XYLT1: variants seen among roughly 807,000 people sequenced by gnomAD.
XYLT1 encodes the protein beta-D-xylosyltransferase 1.
Under a neutral mutation model 91.3 loss-of-function variants are expected in XYLT1, and 36 were observed. The ratio of observed to expected loss-of-function variants is 0.39; its 90% CI spans 0.30 to 0.52. The LOEUF (loss-of-function observed/expected upper bound fraction) is 0.52, where lower values mean the gene tolerates loss of function less well. Ranked by LOEUF, XYLT1 falls within the 20% of genes least tolerant of loss-of-function variation. The probability of loss-of-function intolerance (pLI) is 0.68; values close to 1 mark genes in which losing one functional copy is unlikely to be tolerated. For missense variants in XYLT1, 1,242 were observed against 1,284.5 expected, an observed-to-expected ratio of 0.97 and a Z score of 0.51; for synonymous variants, 588 against 532.0, an observed-to-expected ratio of 1.11 and a Z score of -1.45.
intron 3 of XYLT1, among the ~76,000 whole-genome samples, chr16:17,215,958 G>A (rs915229425): frequency 6.6e-6 from 1 of 152,158 alleles, no homozygotes; most frequent in South Asian, 2.1e-4. Flanking sequence ...AGGAGTGGGT[G>A]GCAGGCAGGA....
rs2036973446 is a variant in XYLT1, at chr16:17,470,527, T to TCCTCCTCCTCCTCCGCCGCCG, written c.249_269dup (p.Gly84_Gly90dup). ...CCCGCGCCCGCGCCTGGGGCCCCCG[T>TCCTCCTCCTCCTCCGCCGCCG]CCTCCTCCTCCTCCGCCGCCGCCTC... On this transcript the variant is annotated inframe_insertion, in exon 1 of 12. Transcript: ENST00000261381. 8.2e-7 allele frequency: 1 copy of TCCTCCTCCTCCTCCGCCGCCG among 1,219,166 alleles called. No homozygotes were observed. Among genetic ancestry groups the TCCTCCTCCTCCTCCGCCGCCG allele is most frequent in the South Asian group, 4.1e-5 (1 of 24,298 alleles). 75.5% of individuals were successfully genotyped at this position (1,219,166 alleles called of 1,614,324 possible).
At chr16:17,256,864 C>A (rs966469126) in intron 3 of XYLT1, among the ~76,000 whole-genome samples, 1 of 152,190 alleles carries the variant, frequency 6.6e-6, no homozygotes, top group Non-Finnish European at 1.5e-5. Context: ...CCTTCCTCCC[C>A]AATTCTGCAG....
chr16:17,119,422 C>T (rs2029969180), intron 10 of XYLT1, among the ~76,000 whole-genome samples: 1 of 152,206 alleles, frequency 6.6e-6, no homozygotes, highest in South Asian at 2.1e-4. Context: ...CTTGCACTGC[C>T]TCTGCTGTCT....
At chr16:17,166,901 G>A (rs937145620) in intron 5 of XYLT1, among the ~76,000 whole-genome samples, 12 of 152,206 alleles carry the variant, frequency 7.9e-5, no homozygotes, top group Admixed American at 5.9e-4. Context: ...ATGAACTGGG[G>A]GGTGATTTGG....
chr16:17,127,530 A>G, intron 10 of XYLT1, 136 bp downstream of exon 10: 1 of 1,088,614 alleles, frequency 9.2e-7, no homozygotes, highest in Non-Finnish European at 1.3e-6. Flanking sequence ...TTCTTCGGGC[A>G]CAGGGTTAGC....
At chr16:17,201,480 T>C (rs930110708) in intron 3 of XYLT1, among the ~76,000 whole-genome samples, 1 of 151,848 alleles carries the variant, frequency 6.6e-6, no homozygotes, top group African/African-American at 2.4e-5. Flanking sequence ...GTTATCTTTT[T>C]TTTTTTTTTT....
At chr16:17,362,670 T>C (rs1309222367) in intron 1 of XYLT1, among the ~76,000 whole-genome samples, 3 of 152,252 alleles carry the variant, frequency 2.0e-5, no homozygotes, top group Admixed American at 6.5e-5. Flanking sequence ...TTGTTCGTTA[T>C]CATTCCACAC....
chr16:17,328,028 G>T (rs2141835895), intron 2 of XYLT1, among the ~76,000 whole-genome samples: 1 of 152,150 alleles, frequency 6.6e-6, no homozygotes, highest in Middle Eastern at 3.4e-3. Context: ...GAGAAATTGA[G>T]TCCACCTCCC....
At chr16:17,254,252 TCTC>T (rs796529071) in intron 3 of XYLT1, among the ~76,000 whole-genome samples, 26 of 152,268 alleles carry the variant, frequency 1.7e-4, no homozygotes, top group African/African-American at 3.1e-4. Context: ...TCCTCCTTCT[TCTC>T]CTCCTTTTCC....
chr16:17,448,739 TGGA>T (rs1327275570), intron 1 of XYLT1, among the ~76,000 whole-genome samples: 3 of 130,976 alleles, frequency 2.3e-5, no homozygotes, highest in Non-Finnish European at 5.1e-5. Flanking sequence ...GGGAGGAGGG[TGGA>T]GGAGGAGGAG....
intron 6 of XYLT1, among the ~76,000 whole-genome samples, chr16:17,152,238 G>A (rs2031299709): frequency 1.3e-5 from 2 of 152,188 alleles, no homozygotes; most frequent in African/African-American, 4.8e-5. Context: ...TTGGAAAGAA[G>A]AAAAGTTCTA....
chr16:17,229,759 T>TA (rs1338647616), intron 3 of XYLT1, among the ~76,000 whole-genome samples: 1 of 152,180 alleles, frequency 6.6e-6, no homozygotes, highest in East Asian at 1.9e-4. Context: ...TTCACATTTG[T>TA]AAAAAAATAA....
At chr16:17,446,750 GAA>G (rs2036596758) in intron 1 of XYLT1, among the ~76,000 whole-genome samples, 2 of 152,284 alleles carry the variant, frequency 1.3e-5, no homozygotes, top group African/African-American at 4.8e-5. Flanking sequence ...CTGAACTGGT[GAA>G]AGTCTGGGGA....
chr16:17,376,276 C>T (rs887758127), intron 1 of XYLT1, among the ~76,000 whole-genome samples: 3 of 152,342 alleles, frequency 2.0e-5, no homozygotes, highest in South Asian at 2.1e-4. Context: ...CCATATCCTA[C>T]AATGCACAGG....
chr16:17,394,621 C>T (rs540377959), intron 1 of XYLT1, among the ~76,000 whole-genome samples: 7 of 152,186 alleles, frequency 4.6e-5, no homozygotes, highest in Non-Finnish European at 8.8e-5. Flanking sequence ...AAAGCCACCA[C>T]GCTTAGAGAA....
chr16:17,297,238 G>T (rs6498678), intron 2 of XYLT1, among the ~76,000 whole-genome samples: 94,256 of 151,972 alleles, frequency 0.62, 31,294 homozygotes, highest in African/African-American at 0.87. Context: ...AGAGCACTTT[G>T]AACTTCTCAT....
At chr16:17,373,843 C>T (rs1179768988) in intron 1 of XYLT1, among the ~76,000 whole-genome samples, 5 of 152,140 alleles carry the variant, frequency 3.3e-5, no homozygotes, top group South Asian at 2.1e-4. Flanking sequence ...TCCAGCCTCT[C>T]GTAATACCTA....
intron 2 of XYLT1, among the ~76,000 whole-genome samples, chr16:17,268,590 C>A (rs1398057277): frequency 6.6e-6 from 1 of 151,754 alleles, no homozygotes; most frequent in Non-Finnish European, 1.5e-5. Context: ...ACATGCCAAG[C>A]CTTTTGATTT....
intron 10 of XYLT1, among the ~76,000 whole-genome samples, chr16:17,121,736 C>A (rs1387181327): frequency 6.6e-6 from 1 of 152,012 alleles, no homozygotes; most frequent in African/African-American, 2.4e-5. Flanking sequence ...CCCTATATCC[C>A]CTCCCCTATA....
Sources: gnomAD v4.1 joint callset for allele counts (sites outside exome capture counted in the v4.1 genomes callset) on GRCh38, gnomAD v4.1.1 for gene constraint, MANE v1.5 for transcripts, NCBI Gene and HGNC (gene_info 2026-07-23, HGNC 2026-07-21) for gene names.